The following LINGO2 variants were observed in gnomAD, a reference collection of about 807,000 sequenced individuals.
LINGO2 encodes the protein leucine-rich repeat and immunoglobulin-like domain-containing nogo receptor-interacting protein 2.
A neutral mutation model predicts 30.6 loss-of-function variants in LINGO2; 14 were observed. The ratio of observed to expected loss-of-function variants is 0.46; its 90% CI spans 0.30 to 0.72. The LOEUF (loss-of-function observed/expected upper bound fraction) is 0.72, where lower values mean the gene tolerates loss of function less well. Among genes scored for constraint, LINGO2 ranks in the 30% least tolerant of loss-of-function variants. The pLI, the probability that LINGO2 is intolerant of heterozygous loss-of-function variation, is 0.07. For synonymous variants in LINGO2, 317 were observed against 288.5 expected (o/e 1.10, Z -1.00); for missense variants, 729 against 751.7 (o/e 0.97, Z 0.35).
intron 4 of LINGO2, among the ~76,000 whole-genome samples, chr9:28,102,031 A>C (rs367991657): frequency 2.6e-5 from 4 of 151,942 alleles, no homozygotes; most frequent in Non-Finnish European, 1.5e-5. Context: ...TTTGCCTCCA[A>C]CTCACCTTGA....
the LINGO2 span, among the ~76,000 whole-genome samples, chr9:29,133,233 T>A: frequency 0.16 from 24,879 of 152,088 alleles, 2,196 homozygotes; most frequent in East Asian, 0.38. Flanking sequence ...TGTTTAGGCA[T>A]AATAAGAATA....
intron 4 of LINGO2, among the ~76,000 whole-genome samples, chr9:28,260,690 G>C (rs866002677): frequency 6.6e-6 from 1 of 151,798 alleles, no homozygotes; most frequent in East Asian, 1.9e-4. Context: ...ACCTATACCT[G>C]TACATCAAAC....
At chr9:28,834,279 A>G in the LINGO2 span, among the ~76,000 whole-genome samples, 2 of 152,154 alleles carry the variant, frequency 1.3e-5, no homozygotes, top group African/African-American at 2.4e-5. Context: ...AAAAATCATC[A>G]TATTACATTT....
the LINGO2 span, among the ~76,000 whole-genome samples, chr9:29,075,821 A>G: frequency 6.6e-3 from 998 of 152,266 alleles, 16 homozygotes; most frequent in African/African-American, 0.023. Context: ...TCCTTACATC[A>G]AAATCTAATT....
At chr9:27,947,210 C>A (rs1027370224), downstream of LINGO2, among the ~76,000 whole-genome samples, 9 of 152,112 alleles carry the variant, frequency 5.9e-5, no homozygotes, top group African/African-American at 2.2e-4. Context: ...ATCACATAAC[C>A]ATATGCTTTG....
chr9:28,274,463 C>T (rs895148962), intron 4 of LINGO2, among the ~76,000 whole-genome samples: 1 of 152,168 alleles, frequency 6.6e-6, no homozygotes, highest in Non-Finnish European at 1.5e-5. Context: ...AAATTCCCCT[C>T]ATTTTAAATT....
At chr9:28,825,668 G>A in the LINGO2 span, among the ~76,000 whole-genome samples, 6 of 151,628 alleles carry the variant, frequency 4.0e-5, no homozygotes, top group Non-Finnish European at 1.5e-5. Context: ...AGTAAAATAG[G>A]CCTACCTGCT....
intron 3 of LINGO2, among the ~76,000 whole-genome samples, chr9:28,295,688 T>C (rs1823896742): frequency 6.6e-6 from 1 of 152,154 alleles, no homozygotes; most frequent in African/African-American, 2.4e-5. Flanking sequence ...GGTGACCAGT[T>C]GGGGTACTCA....
At chr9:28,436,440 T>G (rs1475358871) in intron 2 of LINGO2, among the ~76,000 whole-genome samples, 1 of 145,540 alleles carries the variant, frequency 6.9e-6, no homozygotes, top group African/African-American at 2.7e-5. Context: ...ATTTATTTAT[T>G]TATTTATTTA....
rs145223679 is a variant in LINGO2 at position 28,075,832 on chromosome 9, T to C, written c.-86-63427A>G. Reference sequence around the variant, plus strand: ...TTTTTAATTTTATATGTTACAAATATATTCTATTATTTCATAGCTGCTTTT... The same window carrying C: ...TTTTTAATTTTATATGTTACAAATACATTCTATTATTTCATAGCTGCTTTT... On this transcript the variant is annotated intron_variant, in intron 4 of 5. Coordinates refer to ENST00000379992, the Ensembl canonical transcript of LINGO2. 3.0e-3 allele frequency among the ~76,000 whole-genome samples: 453 copies of C among 152,166 alleles called. 3 individuals are homozygous for C. The highest frequency in any genetic ancestry group is 9.9e-3 in the African/African-American group (412 of 41,582).
chr9:29,153,680 T>G, the LINGO2 span, among the ~76,000 whole-genome samples: 1 of 152,228 alleles, frequency 6.6e-6, no homozygotes, highest in Non-Finnish European at 1.5e-5. Flanking sequence ...AGGAAAATTA[T>G]TCTTTAAAGC....
chr9:28,290,295 C>T (rs17836476), intron 4 of LINGO2, among the ~76,000 whole-genome samples: 3 of 152,096 alleles, frequency 2.0e-5, no homozygotes, highest in Admixed American at 6.5e-5. Context: ...TACTTGTTTT[C>T]AGGCAAATCA....
chr9:28,212,546 A>T (rs549012944), intron 4 of LINGO2, among the ~76,000 whole-genome samples: 1 of 151,544 alleles, frequency 6.6e-6, no homozygotes, highest in African/African-American at 2.4e-5. Flanking sequence ...AGTTTTGGGT[A>T]TCTAAAGATT....
intron 1 of LINGO2, among the ~76,000 whole-genome samples, chr9:28,552,503 T>G (rs1822349512): frequency 6.6e-6 from 1 of 152,030 alleles, no homozygotes; most frequent in Non-Finnish European, 1.5e-5. Flanking sequence ...AATATTTCCT[T>G]TCTTTGTATC....
chr9:28,987,907 G>T, the LINGO2 span, among the ~76,000 whole-genome samples: 1 of 152,068 alleles, frequency 6.6e-6, no homozygotes, highest in Non-Finnish European at 1.5e-5. Flanking sequence ...TACCTGATAT[G>T]ATTTCAATCT....
the LINGO2 span, among the ~76,000 whole-genome samples, chr9:28,797,362 A>AGAGC: frequency 8.7e-6 from 1 of 114,526 alleles, no homozygotes; most frequent in South Asian, 2.8e-4. Flanking sequence ...ATATATATAG[A>AGAGC]GAGAGAGAGA....
intron 1 of LINGO2, among the ~76,000 whole-genome samples, chr9:28,555,938 T>G (rs1412453422): frequency 6.6e-6 from 1 of 152,012 alleles, no homozygotes; most frequent in Non-Finnish European, 1.5e-5. Context: ...TTTGACAAAA[T>G]TCAACAGCCC....
chr9:28,521,389 C>G (rs562724061), intron 1 of LINGO2, among the ~76,000 whole-genome samples: 74 of 152,246 alleles, frequency 4.9e-4, no homozygotes, highest in African/African-American at 1.6e-3. Context: ...AGGGTTCCTA[C>G]TTACAATGCC....
chr9:28,502,449 T>C (rs1173055210), intron 1 of LINGO2, among the ~76,000 whole-genome samples: 1 of 152,094 alleles, frequency 6.6e-6, no homozygotes, highest in Non-Finnish European at 1.5e-5. Context: ...ATTTCAGGAT[T>C]TCAATCCAAA....
Sources: gnomAD v4.1 joint callset for allele counts (sites outside exome capture counted in the v4.1 genomes callset) on GRCh38, gnomAD v4.1.1 for gene constraint, MANE v1.5 for transcripts, NCBI Gene and HGNC (gene_info 2026-07-23, HGNC 2026-07-21) for gene names.